TRHDE: variants seen among roughly 807,000 people sequenced by gnomAD.
TRHDE encodes thyrotropin releasing hormone degrading enzyme.
Under a neutral mutation model 125.7 loss-of-function variants are expected in TRHDE, and 72 were observed. The ratio of observed to expected loss-of-function variants is 0.57; its 90% CI spans 0.47 to 0.70. The LOEUF is 0.70. Ranked by LOEUF, TRHDE falls within the 30% of genes least tolerant of loss-of-function variation. The pLI, the probability that TRHDE is intolerant of heterozygous loss-of-function variation, is 0.00. For missense variants in TRHDE, 1,110 were observed against 1,327.1 expected, an observed-to-expected ratio of 0.84 and a Z score of 2.54; for synonymous variants, 509 against 509.1, an observed-to-expected ratio of 1.00 and a Z score of 0.00.
intron 15 of TRHDE, among the ~76,000 whole-genome samples, chr12:72,634,960 A>T (rs1356290232): frequency 6.6e-6 from 1 of 152,174 alleles, no homozygotes; most frequent in Non-Finnish European, 1.5e-5. Flanking sequence ...CACAATAAAC[A>T]TACATGTGCA....
Position 72,568,669 on chromosome 12 carries a change from T to G in TRHDE, c.2131+13T>G, listed in dbSNP as rs1158515146. Reference sequence around the variant, plus strand: ...TCTAACAAATCAGGTAAACTATATATTCTCCCCTGAGGAAGTATCTGGTTT... The same window carrying G: ...TCTAACAAATCAGGTAAACTATATAGTCTCCCCTGAGGAAGTATCTGGTTT... On this transcript the variant is annotated intron_variant, in intron 10 of 18. Transcript: ENST00000261180. 1 of 1,568,056 alleles carries G rather than the reference T, an allele frequency of 6.4e-7. No homozygotes were observed. The highest frequency in any genetic ancestry group is 2.2e-5 in the East Asian group (1 of 44,492).
At chr12:72,409,686 A>G (rs1873413602) in intron 3 of TRHDE, among the ~76,000 whole-genome samples, 1 of 152,210 alleles carries the variant, frequency 6.6e-6, no homozygotes, top group Non-Finnish European at 1.5e-5. Context: ...TTTACCTGTG[A>G]TTGCAGTATG....
At chr12:72,238,744 T>C (rs1878414833) in intron 2 of TRHDE, among the ~76,000 whole-genome samples, 1 of 152,196 alleles carries the variant, frequency 6.6e-6, no homozygotes, top group Non-Finnish European at 1.5e-5. Flanking sequence ...TATGGCCGCA[T>C]AGTATTCCAT....
intron 2 of TRHDE, among the ~76,000 whole-genome samples, chr12:72,320,356 C>T (rs1869023699): frequency 6.6e-6 from 1 of 151,928 alleles, no homozygotes; most frequent in Non-Finnish European, 1.5e-5. Context: ...TCTAGATTAC[C>T]TAAATACCTA....
chr12:72,276,200 C>A (rs1879482173), intron 1 of TRHDE, among the ~76,000 whole-genome samples: 1 of 152,122 alleles, frequency 6.6e-6, no homozygotes, highest in Non-Finnish European at 1.5e-5. Context: ...CCACAAAATG[C>A]AATGTAAATT....
chr12:72,585,235 C>G (rs1022242305), intron 12 of TRHDE, among the ~76,000 whole-genome samples: 1 of 151,906 alleles, frequency 6.6e-6, no homozygotes, highest in African/African-American at 2.4e-5. Flanking sequence ...AAATTCATTT[C>G]GTCTTTTCTC....
chr12:72,646,380 A>G (rs981472865), intron 15 of TRHDE, among the ~76,000 whole-genome samples: 2 of 152,078 alleles, frequency 1.3e-5, no homozygotes, highest in Non-Finnish European at 2.9e-5. Flanking sequence ...CAGCATATCA[A>G]TATAAAAACT....
intron 2 of TRHDE, among the ~76,000 whole-genome samples, chr12:72,289,854 C>T (rs576107118): frequency 6.6e-6 from 1 of 152,318 alleles, no homozygotes; most frequent in East Asian, 1.9e-4. Flanking sequence ...GAGGCATTTG[C>T]TTCCCAGTTT....
At chr12:72,514,851 T>C (rs950173775) in intron 6 of TRHDE, among the ~76,000 whole-genome samples, 1 of 137,466 alleles carries the variant, frequency 7.3e-6, no homozygotes, top group African/African-American at 2.7e-5. Context: ...TGTGTTCTCA[T>C]TGTTCAATTC....
At chr12:72,161,735 T>C (rs1876642861) in intron 2 of TRHDE, among the ~76,000 whole-genome samples, 1 of 152,216 alleles carries the variant, frequency 6.6e-6, no homozygotes, top group Non-Finnish European at 1.5e-5. Context: ...TTTATTTTCA[T>C]ATTTAAGAAT....
intron 12 of TRHDE, among the ~76,000 whole-genome samples, chr12:72,587,803 C>G (rs1871505368): frequency 6.6e-6 from 1 of 151,896 alleles, no homozygotes; most frequent in South Asian, 2.1e-4. Flanking sequence ...AAATATTCAC[C>G]TACTTCAAAG....
chr12:72,603,047 C>A (rs912019807), intron 12 of TRHDE, among the ~76,000 whole-genome samples: 9 of 152,116 alleles, frequency 5.9e-5, no homozygotes, highest in Non-Finnish European at 1.0e-4. Context: ...ATATACCCAT[C>A]TATGTGAGTT....
At chr12:72,199,643 G>A (rs1356057035) in intron 2 of TRHDE, among the ~76,000 whole-genome samples, 1 of 152,134 alleles carries the variant, frequency 6.6e-6, no homozygotes, top group South Asian at 2.1e-4. Context: ...GTTTAAACAG[G>A]TGACATGATA....
intron 2 of TRHDE, among the ~76,000 whole-genome samples, chr12:72,364,451 A>G (rs967252628): frequency 6.6e-5 from 10 of 151,998 alleles, no homozygotes; most frequent in African/African-American, 2.4e-4. Flanking sequence ...TTATCTGGCT[A>G]TTACCTGTCT....
At chr12:72,485,332 A>T (rs1347126687) in intron 5 of TRHDE, among the ~76,000 whole-genome samples, 1 of 152,102 alleles carries the variant, frequency 6.6e-6, no homozygotes, top group South Asian at 2.1e-4. Context: ...TGCCCCTGCA[A>T]TATGCCCACC....
At chr12:72,662,778 T>A (rs1195492255) in intron 18 of TRHDE, among the ~76,000 whole-genome samples, 1 of 151,910 alleles carries the variant, frequency 6.6e-6, no homozygotes, top group Non-Finnish European at 1.5e-5. Flanking sequence ...TCATGAAACA[T>A]GAAGCTGAAT....
intron 2 of TRHDE, among the ~76,000 whole-genome samples, chr12:72,174,591 T>G (rs1876947820): frequency 6.6e-6 from 1 of 152,216 alleles, no homozygotes; most frequent in Non-Finnish European, 1.5e-5. Context: ...AGCCTATTTT[T>G]TTTCCTTCAT....
Position 72,183,491 on chromosome 12 carries a change from G to A in TRHDE, n.279+77739G>A, listed in dbSNP as rs570252150. ...TGAATACATTTGTCATAGTTCTAAC[G>A]TTTATTTGACATTATAAAATGGTCA... On this transcript the variant is annotated intron_variant and non_coding_transcript_variant, in intron 2 of 4. Transcript: ENST00000548156. 2.4e-4 allele frequency among the ~76,000 whole-genome samples: 36 copies of A among 152,170 alleles called. 1 individual carries two copies. Among genetic ancestry groups the A allele is most frequent in the Admixed American group, 7.8e-4 (12 of 15,292 alleles).
intron 2 of TRHDE, among the ~76,000 whole-genome samples, chr12:72,212,258 A>G (rs1877797859): frequency 6.6e-6 from 1 of 152,140 alleles, no homozygotes; most frequent in Non-Finnish European, 1.5e-5. Flanking sequence ...ACCCAAATGT[A>G]AGAAGATAAA....
Sources: allele counts gnomAD v4.1 joint callset (sites outside exome capture counted in the v4.1 genomes callset), GRCh38; gene constraint gnomAD v4.1.1; transcripts MANE v1.5; gene names NCBI Gene and HGNC (gene_info 2026-07-23, HGNC 2026-07-21).